The following KPNA6 variants were observed in gnomAD, a reference collection of about 807,000 sequenced individuals.
The protein encoded by KPNA6 is importin subunit alpha-7.
A neutral mutation model predicts 72.0 loss-of-function variants in KPNA6; 9 were observed. That is an observed-to-expected ratio of 0.13 (90% CI 0.08 to 0.22). KPNA6 has a LOEUF of 0.22. Among genes scored for constraint, KPNA6 ranks in the 10% least tolerant of loss-of-function variants. KPNA6 has a pLI of 1.00. For synonymous variants in KPNA6, 219 were observed against 242.1 expected (o/e 0.90, Z 0.89); for missense variants, 374 against 655.7 (o/e 0.57, Z 4.69).
At chr1:32,153,882 C>G (rs981721997) in intron 1 of KPNA6, among the ~76,000 whole-genome samples, 13 of 152,120 alleles carry the variant, frequency 8.5e-5, no homozygotes, top group Admixed American at 2.6e-4. Flanking sequence ...CGTGGTTGCT[C>G]ATGCCTATAG....
At position 32,159,898 on chromosome 1, in the gene KPNA6, G is replaced by A. The variant is rs528887276; in HGVS notation, c.558+367G>A. ...CCATATCTGAGTACCCACAAATCAT[G>A]GAGATAAAGATACAACTTCCATTTC... On this transcript the variant is annotated intron_variant, in intron 6 of 13. Coordinates refer to ENST00000373625, the MANE Select transcript of KPNA6 (RefSeq NM_012316.5). Among the ~76,000 whole-genome samples, 20 of 152,318 alleles carry A rather than the reference G, an allele frequency of 1.3e-4. No homozygotes were observed. The East Asian group carries it at 3.9e-3, about 29-fold the overall frequency.
rs60616241 is a variant in KPNA6, at chr1:32,173,173, T to TA, written c.*2300dup. 9.6e-3 allele frequency: 3,074 copies of TA among 319,358 alleles called. 5 individuals are homozygous for TA. The highest frequency in any genetic ancestry group is 0.02 in the South Asian group (100 of 5,094). The allele number at this position is 319,358 out of a possible 1,614,324, so 19.8% of individuals were successfully genotyped here. A position where few individuals can be genotyped will look rare whatever the true frequency, so the allele number is the denominator to read the frequency against. ...ATTAAAAAACCATTCTCTTACAGTT[T>TA]AAAAAAAAAAAAAAAAAAAAAGCCT... On this transcript the variant is annotated 3_prime_UTR_variant, in exon 14 of 14. Coordinates refer to ENST00000373625, the MANE Select transcript of KPNA6 (RefSeq NM_012316.5).
At chr1:32,137,301 G>A (rs1390416143) in intron 1 of KPNA6, among the ~76,000 whole-genome samples, 1 of 152,064 alleles carries the variant, frequency 6.6e-6, no homozygotes, top group Non-Finnish European at 1.5e-5. Context: ...AGCCTCCCGA[G>A]TTGCTGGGAC....
intron 1 of KPNA6, among the ~76,000 whole-genome samples, chr1:32,118,997 C>CAT (rs71578197): frequency 0.027 from 1,642 of 59,728 alleles, 112 homozygotes; most frequent in Middle Eastern, 0.083. Context: ...TGTGTGTATA[C>CAT]ATATATATAT....
chr1:32,123,365 T>C (rs1473132013), intron 1 of KPNA6, among the ~76,000 whole-genome samples: 1 of 152,130 alleles, frequency 6.6e-6, no homozygotes, highest in African/African-American at 2.4e-5. Context: ...AGATAAACTC[T>C]GTATCTTTTT....
chr1:32,114,791 G>A (rs1641299942), intron 1 of KPNA6, among the ~76,000 whole-genome samples: 1 of 152,152 alleles, frequency 6.6e-6, no homozygotes, highest in Non-Finnish European at 1.5e-5. Context: ...AATGATCTTA[G>A]CTTGATCTTC....
At chr1:32,119,017 TATATATATATATA>T (rs1398987936) in intron 1 of KPNA6, among the ~76,000 whole-genome samples, 23 of 77,414 alleles carry the variant, frequency 3.0e-4, no homozygotes, top group African/African-American at 1.2e-3. Flanking sequence ...TATATATATA[TATATATATATATA>T]TATTTTTTTT....
At chr1:32,157,094 C>A in intron 3 of KPNA6, 149 bp downstream of exon 3, 1 of 635,586 alleles carries the variant, frequency 1.6e-6, no homozygotes, top group Admixed American at 3.0e-5. Flanking sequence ...TAGGAGTCAA[C>A]AAAGATTCAA....
chr1:32,122,001 C>T (rs913907101), intron 1 of KPNA6, among the ~76,000 whole-genome samples: 2 of 142,944 alleles, frequency 1.4e-5, no homozygotes, highest in Non-Finnish European at 3.1e-5. Flanking sequence ...AGGCTGGGCG[C>T]GGTGGCTCAC....
chr1:32,141,667 G>C (rs1259652032), intron 1 of KPNA6, among the ~76,000 whole-genome samples: 3 of 151,786 alleles, frequency 2.0e-5, no homozygotes, highest in African/African-American at 4.8e-5. Flanking sequence ...AAAGTGTTGG[G>C]GTTACAGACA....
chr1:32,164,785 T>G, intron 10 of KPNA6, among the ~76,000 whole-genome samples: 1 of 152,090 alleles, frequency 6.6e-6, no homozygotes, highest in Non-Finnish European at 1.5e-5. Context: ...TAGGAGTTCT[T>G]CATATGTTCT....
chr1:32,127,667 A>G lies in KPNA6; in HGVS notation c.4+19533A>G, dbSNP rs555780434. ...AGGCCAGGTAACCAGCCGTTTTGCT[A>G]TTCTATCTCAGAGGCATTTTGCTGT... is the stretch of plus-strand genomic sequence containing the variant. On this transcript the variant is annotated intron_variant, in intron 1 of 13. Transcript: ENST00000373625. Among the ~76,000 whole-genome samples the G allele has an allele frequency of 4.0e-4, 61 of 152,280 alleles. 1 individual carries two copies. The South Asian group carries it at 0.012, about 30-fold the overall frequency.
At position 32,159,919 on chromosome 1, in the gene KPNA6, A is replaced by G. The variant is rs1401663688; in HGVS notation, c.558+388A>G. Reference sequence around the variant, plus strand: ...TCATGGAGATAAAGATACAACTTCCATTTCTCCCATTGAATTCTTACTAGT... The same window carrying G: ...TCATGGAGATAAAGATACAACTTCCGTTTCTCCCATTGAATTCTTACTAGT... On this transcript the variant is annotated intron_variant, in intron 6 of 13. Transcript: ENST00000373625. Among the ~76,000 whole-genome samples the G allele has an allele frequency of 7.2e-5, 11 of 152,316 alleles. No homozygotes were observed. In the South Asian group the frequency reaches 2.1e-3, roughly 29 times the overall value.
intron 10 of KPNA6, among the ~76,000 whole-genome samples, chr1:32,163,536 T>C (rs1019970369): frequency 2.0e-5 from 3 of 152,160 alleles, no homozygotes; most frequent in Non-Finnish European, 2.9e-5. Flanking sequence ...TGGGAACAAA[T>C]CATCGTCTAA....
In KPNA6 at chr1:32,171,080, ATC is replaced by A; in HGVS notation, c.*188_*189del. The A allele has an allele frequency of 3.4e-6, 2 of 590,364 alleles. No individual in the cohort carries two copies. Among genetic ancestry groups the A allele is most frequent in the Non-Finnish European group, 6.0e-6 (2 of 332,708 alleles). 36.6% of individuals were successfully genotyped at this position (590,364 alleles called of 1,614,324 possible). A position where few individuals can be genotyped will look rare whatever the true frequency, so the allele number is the denominator to read the frequency against. On this transcript the variant is annotated 3_prime_UTR_variant, in exon 14 of 14. Coordinates refer to ENST00000373625, the MANE Select transcript of KPNA6 (RefSeq NM_012316.5). Reference sequence around the variant, plus strand: ...GAGCACCCTCTGGACAGACAGAACCATCTGAGGCTCACCTTTGGGTTTTGTGA... The same window carrying A: ...GAGCACCCTCTGGACAGACAGAACCATGAGGCTCACCTTTGGGTTTTGTGA...
intron 1 of KPNA6, among the ~76,000 whole-genome samples, chr1:32,130,431 C>T (rs1210632829): frequency 3.3e-5 from 5 of 151,996 alleles, no homozygotes; most frequent in Admixed American, 1.3e-4. Context: ...AGGAAAGGAA[C>T]TTGTATACTG....
intron 1 of KPNA6, among the ~76,000 whole-genome samples, chr1:32,145,669 C>G (rs1488250399): frequency 6.6e-6 from 1 of 152,132 alleles, no homozygotes; most frequent in African/African-American, 2.4e-5. Flanking sequence ...ATTCTCTATA[C>G]AATGAAATAT....
At chr1:32,149,991 G>A (rs1168069343) in intron 1 of KPNA6, among the ~76,000 whole-genome samples, 1 of 151,926 alleles carries the variant, frequency 6.6e-6, no homozygotes, top group Non-Finnish European at 1.5e-5. Context: ...TTATCTGGCT[G>A]CTTTTAAGAT....
chr1:32,160,797 G>T (rs1029834532), intron 7 of KPNA6, 94 bp downstream of exon 7: 3 of 840,020 alleles, frequency 3.6e-6, no homozygotes, highest in Non-Finnish European at 6.2e-6. Context: ...TAAGATGATA[G>T]GTAAGTGCAA....
Sources: gnomAD v4.1 joint callset for allele counts (sites outside exome capture counted in the v4.1 genomes callset) on GRCh38, gnomAD v4.1.1 for gene constraint, MANE v1.5 for transcripts, NCBI Gene and HGNC (gene_info 2026-07-23, HGNC 2026-07-21) for gene names.